FBXO39: variants seen among roughly 807,000 people sequenced by gnomAD.
FBXO39 encodes the protein F-box only protein 39.
In FBXO39, 22 loss-of-function variants were observed where a neutral mutation model predicts 36.6. The ratio of observed to expected loss-of-function variants is 0.60; its 90% CI spans 0.43 to 0.86. The LOEUF is 0.86. Among genes scored for constraint, FBXO39 ranks in the 40% least tolerant of loss-of-function variants. FBXO39 has a pLI of 0.00. For missense variants in FBXO39, 536 were observed against 543.9 expected (o/e 0.99, Z 0.14); for synonymous variants, 206 against 205.8 (o/e 1.00, Z -0.01).
chr17:6,786,621 T>C (rs1976575020), intron 2 of FBXO39, among the ~76,000 whole-genome samples, 159 bp from the exon 3 acceptor site: 1 of 152,148 alleles, frequency 6.6e-6, no homozygotes, highest in African/African-American at 2.4e-5. Context: ...CCCATAAATA[T>C]ATGTACCTAT....
chr17:6,784,929 ATGTGTG>A lies in FBXO39; in HGVS notation c.1024-1831_1024-1826del, dbSNP rs3071470. 7.9e-3 allele frequency among the ~76,000 whole-genome samples: 1,075 copies of A among 136,282 alleles called. 23 individuals are homozygous for A. Among genetic ancestry groups the A allele is most frequent in the African/African-American group, 0.031 (993 of 32,528 alleles). 89.4% of individuals were successfully genotyped at this position (136,282 alleles called of 152,430 possible). On this transcript the variant is annotated intron_variant, in intron 2 of 3. Transcript: ENST00000321535. ...AAGAATCTTAAATTTATATATATAT[ATGTGTG>A]TGTGTGTGTGTGTGTGTGTATATAT...
chr17:6,780,026 C>T lies in FBXO39; in HGVS notation c.158C>T (p.Ala53Val), dbSNP rs749792809. ...CRKWNQMMYS[A>V]ELWRYRTITF... The stretch of plus-strand genomic sequence containing the variant: ...AAGTGGAACCAGATGATGTATTCTG[C>T]TGAGCTCTGGCGGTACAGAACCATC... Residue 53 changes from alanine to valine, a missense_variant, in exon 2 of 4, where the codon GCT becomes GTT. Transcript: ENST00000321535. The T allele has an allele frequency of 3.7e-6, 6 of 1,614,238 alleles. No homozygotes were observed. The Admixed American group carries it at 1.0e-4, about 27-fold the overall frequency.
intron 2 of FBXO39, among the ~76,000 whole-genome samples, chr17:6,784,221 T>C (rs185728075): frequency 2.0e-5 from 3 of 152,144 alleles, no homozygotes; most frequent in Non-Finnish European, 4.4e-5. Flanking sequence ...CATTCCTTCA[T>C]GATTAAAACT....
intron 1 of FBXO39, among the ~76,000 whole-genome samples, chr17:6,779,218 T>C (rs1249541783): frequency 6.6e-6 from 1 of 152,194 alleles, no homozygotes; most frequent in Non-Finnish European, 1.5e-5. Flanking sequence ...GCAGGACCCC[T>C]TGATCCAGCA....
Position 6,780,451 on chromosome 17 carries a change from A to T in FBXO39, c.583A>T (p.Ile195Phe), listed in dbSNP as rs200840096. Residue 195 changes from isoleucine to phenylalanine, a missense_variant, in exon 2 of 4, where the codon ATC becomes TTC. Ile to Phe is a conservative substitution (Grantham distance 21). Transcript: ENST00000321535. Reference protein sequence around the residue: ...SLSYMRNENVISELNIEDYFS... With the variant: ...SLSYMRNENVFSELNIEDYFS... ...CAGCTACATGAGGAATGAGAATGTG[A>T]TCTCAGAGCTCAACATCGAGGACTA... 2.5e-6 allele frequency: 4 copies of T among 1,614,122 alleles called. No individual in the cohort carries two copies. The East Asian group carries it at 8.9e-5, about 36-fold the overall frequency.
chr17:6,777,297 C>T (rs917423122), intron 1 of FBXO39, among the ~76,000 whole-genome samples: 67 of 151,946 alleles, frequency 4.4e-4, no homozygotes, highest in African/African-American at 1.6e-3. Flanking sequence ...GTGTGATGTT[C>T]CTCTCCCTGT....
At chr17:6,781,026 A>C in intron 2 of FBXO39, 135 bp downstream of exon 2, 1 of 948,674 alleles carries the variant, frequency 1.1e-6, no homozygotes, top group Admixed American at 2.8e-5. Flanking sequence ...AAATACCACC[A>C]ACTAAGCCTC....
At chr17:6,784,822 A>G (rs1976547178) in intron 2 of FBXO39, among the ~76,000 whole-genome samples, 2 of 152,066 alleles carry the variant, frequency 1.3e-5, no homozygotes, top group Non-Finnish European at 1.5e-5. Context: ...TGTTGTCAAA[A>G]TGTTTATACT....
intron 2 of FBXO39, among the ~76,000 whole-genome samples, chr17:6,785,618 T>A (rs79768857): frequency 6.6e-6 from 1 of 151,370 alleles, no homozygotes; most frequent in South Asian, 2.1e-4. Context: ...GATTAATAAA[T>A]AAACAGAATA....
intron 2 of FBXO39, among the ~76,000 whole-genome samples, chr17:6,786,174 A>T (rs975301598): frequency 6.6e-6 from 1 of 152,250 alleles, no homozygotes; most frequent in Non-Finnish European, 1.5e-5. Context: ...ACAAAAAAGA[A>T]TGAGATTCTG....
chr17:6,782,474 A>T (rs887092072), intron 2 of FBXO39, among the ~76,000 whole-genome samples: 1 of 152,166 alleles, frequency 6.6e-6, no homozygotes, highest in African/African-American at 2.4e-5. Flanking sequence ...ATCAAAAGAC[A>T]TAGGTGGCTG....
chr17:6,785,237 G>A (rs72836238), intron 2 of FBXO39, among the ~76,000 whole-genome samples: 5,537 of 152,050 alleles, frequency 0.036, 135 homozygotes, highest in South Asian at 0.058. Flanking sequence ...CCATACATTG[G>A]GAAAAGGACG....
chr17:6,787,001 C>G (rs753227265), intron 3 of FBXO39, 45 bp downstream of exon 3: 1 of 1,567,154 alleles, frequency 6.4e-7, no homozygotes, highest in Admixed American at 1.9e-5. Flanking sequence ...GTGGGGGCAT[C>G]CAGGAATGGT....
chr17:6,785,153 A>G (rs572549048), intron 2 of FBXO39, among the ~76,000 whole-genome samples: 1 of 152,078 alleles, frequency 6.6e-6, no homozygotes, highest in Non-Finnish European at 1.5e-5. Context: ...ATAAAGACCA[A>G]TGGAACAGAA....
chr17:6,785,386 A>T (rs917593064), intron 2 of FBXO39, among the ~76,000 whole-genome samples: 1 of 152,178 alleles, frequency 6.6e-6, no homozygotes, highest in Non-Finnish European at 1.5e-5. Context: ...CAAACTATGA[A>T]ACTGCTACAA....
chr17:6,786,996 G>A, intron 3 of FBXO39, 40 bp downstream of exon 3: 1 of 1,576,674 alleles, frequency 6.3e-7, no homozygotes, highest in Admixed American at 1.8e-5. Flanking sequence ...GTAGAGTGGG[G>A]GCATCCAGGA....
chr17:6,784,929 A>ATATATATATGTGTG (rs1491434533), intron 2 of FBXO39, among the ~76,000 whole-genome samples: 1 of 136,212 alleles, frequency 7.3e-6, no homozygotes, highest in African/African-American at 3.1e-5. Flanking sequence ...ATATATATAT[A>ATATATATATGTGTG]TGTGTGTGTG....
At chr17:6,786,167 A>T (rs1976567497) in intron 2 of FBXO39, among the ~76,000 whole-genome samples, 1 of 152,256 alleles carries the variant, frequency 6.6e-6, no homozygotes, top group South Asian at 2.1e-4. Context: ...TTCAGTCACA[A>T]AAAAGAATGA....
chr17:6,777,896 G>A (rs566916718), intron 1 of FBXO39, among the ~76,000 whole-genome samples: 8 of 152,328 alleles, frequency 5.3e-5, no homozygotes, highest in East Asian at 3.9e-4. Context: ...AAGTCTGTTC[G>A]GATGTGGCGG....
Sources: gnomAD v4.1 joint callset for allele counts (sites outside exome capture counted in the v4.1 genomes callset) on GRCh38, gnomAD v4.1.1 for gene constraint, MANE v1.5 for transcripts, NCBI Gene and HGNC (gene_info 2026-07-23, HGNC 2026-07-21) for gene names.